Variants in PI15 observed in about 807,000 individuals in gnomAD.
PI15 encodes the protein 25 kDa trypsin inhibitor.
A neutral mutation model predicts 31.0 loss-of-function variants in PI15; 18 were observed. The observed-to-expected ratio is 0.58, with a 90% CI of 0.40 to 0.86. The LOEUF (loss-of-function observed/expected upper bound fraction) is 0.86. Ranked by LOEUF, PI15 falls within the 40% of genes least tolerant of loss-of-function variation. The probability of loss-of-function intolerance (pLI) is 0.00; values close to 1 mark genes in which losing one functional copy is unlikely to be tolerated. For synonymous variants in PI15, 118 were observed against 119.1 expected, an observed-to-expected ratio of 0.99 and a Z score of 0.06; for missense variants, 282 against 328.1, an observed-to-expected ratio of 0.86 and a Z score of 1.09.
intron 2 of PI15, among the ~76,000 whole-genome samples, chr8:74,838,988 A>C (rs993344711): frequency 1.3e-5 from 2 of 152,234 alleles, no homozygotes; most frequent in African/African-American, 2.4e-5. Context: ...CAGTATCATC[A>C]AATTTTTCTG....
At chr8:74,831,007 T>C (rs1810774549) in intron 2 of PI15, among the ~76,000 whole-genome samples, 1 of 152,192 alleles carries the variant, frequency 6.6e-6, no homozygotes, top group South Asian at 2.1e-4. Context: ...GGGCACATTT[T>C]GTAGGAATTT....
intron 2 of PI15, chr8:74,826,232 T>C: frequency 1.6e-6 from 1 of 626,696 alleles, no homozygotes; most frequent in Non-Finnish European, 2.0e-6. Context: ...GGAAAAAGTC[T>C]TGTTAAAATT....
intron 2 of PI15, among the ~76,000 whole-genome samples, chr8:74,834,760 CAT>C (rs1367145433): frequency 6.6e-6 from 1 of 152,142 alleles, no homozygotes; most frequent in African/African-American, 2.4e-5. Context: ...TGGGTTACAA[CAT>C]GTGTGTGTTC....
intron 2 of PI15, among the ~76,000 whole-genome samples, chr8:74,835,653 T>C (rs917431122): frequency 5.3e-5 from 8 of 152,302 alleles, no homozygotes; most frequent in African/African-American, 1.9e-4. Flanking sequence ...ATGGGTGAGC[T>C]ATAGATATCC....
At position 74,845,421 on chromosome 8, in the gene PI15, C is replaced by T; in HGVS notation, c.565C>T (p.His189Tyr). The change falls in exon 5 of 6, where the codon CAT becomes TAT. Residue 189 changes from histidine to tyrosine, a missense_variant. His to Tyr is a moderately conservative substitution (Grantham distance 83, BLOSUM62 2). Transcript: ENST00000260113. The stretch of plus-strand genomic sequence containing the variant: ...TTCCAATCGGATAGGATGCGCAATT[C>T]ATACTTGCCAAAACATGAATGTTTG... The part of the protein sequence containing the change: ...ATSNRIGCAI[H>Y]TCQNMNVWGS... The T allele has an allele frequency of 1.2e-6, 2 of 1,614,006 alleles. No individual in the cohort carries two copies. Among genetic ancestry groups the T allele is most frequent in the Non-Finnish European group, 1.7e-6 (2 of 1,179,898 alleles).
chr8:74,833,250 A>G (rs1810813572), intron 2 of PI15, among the ~76,000 whole-genome samples: 1 of 152,258 alleles, frequency 6.6e-6, no homozygotes, highest in African/African-American at 2.4e-5. Flanking sequence ...AGTTCCCTGG[A>G]AAGTGGGATG....
chr8:74,841,827 T>G (rs1225107243), intron 2 of PI15, among the ~76,000 whole-genome samples: 1 of 152,220 alleles, frequency 6.6e-6, no homozygotes, highest in Non-Finnish European at 1.5e-5. Context: ...TTTTTTAAAG[T>G]TCATTTCATC....
At chr8:74,844,966 A>G in intron 3 of PI15, 162 bp from the exon 4 acceptor site, 1 of 623,156 alleles carries the variant, frequency 1.6e-6, no homozygotes, top group Non-Finnish European at 2.8e-6. Context: ...AGTTGGAGGA[A>G]TAGAGGACCC....
At chr8:74,841,168 A>G (rs1810940055) in intron 2 of PI15, among the ~76,000 whole-genome samples, 1 of 152,160 alleles carries the variant, frequency 6.6e-6, no homozygotes, top group Non-Finnish European at 1.5e-5. Context: ...TTCGGTATAC[A>G]CACAGAGAGT....
chr8:74,844,783 T>A (rs916790962), intron 3 of PI15: 6 of 234,010 alleles, frequency 2.6e-5, no homozygotes, highest in Non-Finnish European at 2.5e-5. Flanking sequence ...CTTTTATACA[T>A]CTAATTCTGG....
Position 74,853,996 on chromosome 8 carries a change from A to G in PI15, c.*4743A>G, listed in dbSNP as rs1811144129. The G allele has an allele frequency of 2.0e-5, 3 of 152,090 alleles. No homozygotes were observed. Among genetic ancestry groups the G allele is most frequent in the African/African-American group, 7.2e-5 (3 of 41,452 alleles). The allele number at this position is 152,090 out of a possible 1,614,324, so 9.4% of individuals were successfully genotyped here. On this transcript the variant is annotated 3_prime_UTR_variant, in exon 6 of 6. Transcript: ENST00000260113. Reference sequence around the variant, plus strand: ...ATTTAGCACAGGTCATAAGAAAAATATATAGAAAAATAATCAATTTCATAT... The same window carrying G: ...ATTTAGCACAGGTCATAAGAAAAATGTATAGAAAAATAATCAATTTCATAT...
chr8:74,836,645 T>G (rs779997433), intron 2 of PI15, among the ~76,000 whole-genome samples: 1 of 151,920 alleles, frequency 6.6e-6, no homozygotes, highest in Non-Finnish European at 1.5e-5. Context: ...AGCAAAGGGA[T>G]AGAGAAGAAG....
intron 1 of PI15, 61 bp from the exon 2 acceptor site, chr8:74,825,146 TAAA>T: frequency 2.2e-6 from 2 of 907,920 alleles, no homozygotes; most frequent in Non-Finnish European, 3.4e-6. Context: ...GATGTCTTTG[TAAA>T]TTCATACCCT....
chr8:74,851,310 CCTT>C lies in PI15; in HGVS notation c.*2062_*2064del, dbSNP rs1243315619. 5.3e-5 allele frequency: 8 copies of C among 152,086 alleles called. No homozygotes were observed. In the East Asian group the frequency reaches 1.2e-3, roughly 22 times the overall value. 9.4% of individuals were successfully genotyped at this position (152,086 alleles called of 1,614,324 possible). ...GGCTTGATTTATCTAGAAAGTTTTTCCTTCTTCAATTTTACTATATTCATTCTA... is the reference window on the plus strand; with the variant it reads ...GGCTTGATTTATCTAGAAAGTTTTTCCTTCAATTTTACTATATTCATTCTA... On this transcript the variant is annotated 3_prime_UTR_variant, in exon 6 of 6. Transcript: ENST00000260113.
chr8:74,844,021 C>A lies in PI15; in HGVS notation c.314C>A (p.Ala105Glu). ...CTTGCAAAATCGGCAGAGGCTTGGG[C>A]GGCTACTTGCATTTGGGACCATGGA... ...ENLAKSAEAW[A>E]ATCIWDHGPS... Residue 105 changes from alanine (A) to glutamate (E), a missense_variant, in exon 3 of 6, where the codon GCG becomes GAG. By Grantham distance (107) the Ala-to-Glu change is moderately radical (BLOSUM62 -1). Transcript: ENST00000260113. 1 of 1,608,596 alleles carries A rather than the reference C, an allele frequency of 6.2e-7. No individual in the cohort carries two copies. The highest frequency in any genetic ancestry group is 8.5e-7 in the Non-Finnish European group (1 of 1,175,052).
chr8:74,842,743 G>A (rs1437651668), intron 2 of PI15, among the ~76,000 whole-genome samples: 2 of 151,942 alleles, frequency 1.3e-5, no homozygotes, highest in African/African-American at 2.4e-5. Context: ...TTAAATCCAC[G>A]GCTCATTCAA....
At chr8:74,835,584 T>G (rs1810850869) in intron 2 of PI15, among the ~76,000 whole-genome samples, 1 of 152,198 alleles carries the variant, frequency 6.6e-6, no homozygotes, top group African/African-American at 2.4e-5. Context: ...TTCCGTATTA[T>G]CACATAATTT....
Position 74,851,600 on chromosome 8 carries a change from A to G in PI15, c.*2347A>G, listed in dbSNP as rs1811105111. The G allele has an allele frequency of 6.6e-6, 1 of 152,040 alleles. No homozygotes were observed. Among genetic ancestry groups the G allele is most frequent in the South Asian group, 2.1e-4 (1 of 4,826 alleles). 9.4% of individuals were successfully genotyped at this position (152,040 alleles called of 1,614,324 possible). On this transcript the variant is annotated 3_prime_UTR_variant, in exon 6 of 6. Transcript: ENST00000260113. ...CCCTCTTTGGCAGGAACTCTGTTTAATTCTTTGTATTTATCCCAGCTTCTT... is the reference window on the plus strand; with the variant it reads ...CCCTCTTTGGCAGGAACTCTGTTTAGTTCTTTGTATTTATCCCAGCTTCTT...
chr8:74,831,339 AG>A (rs1211672364), intron 2 of PI15, among the ~76,000 whole-genome samples: 1 of 152,200 alleles, frequency 6.6e-6, no homozygotes, highest in Non-Finnish European at 1.5e-5. Context: ...GCAACATTGT[AG>A]AAAAATAATT....
Sources: allele counts gnomAD v4.1 joint callset (sites outside exome capture counted in the v4.1 genomes callset), GRCh38; gene constraint gnomAD v4.1.1; transcripts MANE v1.5; gene names NCBI Gene and HGNC (gene_info 2026-07-23, HGNC 2026-07-21).